The following CAPN7 variants were observed in gnomAD, a reference collection of about 807,000 sequenced individuals.
CAPN7 encodes calpain-7.
A neutral mutation model predicts 115.2 loss-of-function variants in CAPN7; 72 were observed. That is an observed-to-expected ratio of 0.63 (90% confidence interval 0.52 to 0.76). The LOEUF (loss-of-function observed/expected upper bound fraction) is 0.76. CAPN7 is among the 30% of genes least tolerant of loss of function. The pLI is 0.00. For synonymous variants in CAPN7, 344 were observed against 322.3 expected, an observed-to-expected ratio of 1.07 and a Z score of -0.72; for missense variants, 905 against 971.5, an observed-to-expected ratio of 0.93 and a Z score of 0.91.
At chr3:15,240,410 A>G in intron 12 of CAPN7, 63 bp from the exon 13 acceptor site, 6 of 1,424,434 alleles carry the variant, frequency 4.2e-6, no homozygotes, top group Non-Finnish European at 5.8e-6. Flanking sequence ...CTCTAATAAG[A>G]GAACTAATAT....
intron 1 of CAPN7, among the ~76,000 whole-genome samples, chr3:15,209,522 A>G (rs1358657851): frequency 6.6e-6 from 1 of 152,212 alleles, no homozygotes; most frequent in Admixed American, 6.5e-5. Context: ...AGCTATTTTG[A>G]AATGTACAAT....
At chr3:15,216,913 AT>A (rs977186476) in intron 2 of CAPN7, among the ~76,000 whole-genome samples, 1 of 151,830 alleles carries the variant, frequency 6.6e-6, no homozygotes, top group Non-Finnish European at 1.5e-5. Context: ...ATAATTGCAG[AT>A]TTTTTTTCTT....
Position 15,247,438 on chromosome 3 carries a change from A to G in CAPN7, c.2185A>G (p.Ile729Val). 6.2e-7 allele frequency: 1 copy of G among 1,601,940 alleles called. No homozygotes were observed. Among genetic ancestry groups the G allele is most frequent in the Non-Finnish European group, 8.5e-7 (1 of 1,176,460 alleles). Reference sequence around the variant, plus strand: ...TATAGAAAAGACTGGGCCGTTACTGATTGAGCTACGAGGACCAAGGTTTGT... The same window carrying G: ...TATAGAAAAGACTGGGCCGTTACTGGTTGAGCTACGAGGACCAAGGTTTGT... ...FHIEKTGPLL[I>V]ELRGPRQYSV... Residue 729 changes from isoleucine (I) to valine (V), a missense_variant, in exon 19 of 21, where the codon ATT (isoleucine) becomes GTT (valine). By Grantham distance (29) the Ile-to-Val change is conservative. This residue lies in a region of CAPN7 where 620 missense variants were observed against 703.4 expected (regional missense o/e 0.88). Transcript: ENST00000253693.
At chr3:15,246,842 T>A (rs756068008) in intron 18 of CAPN7, 48 bp downstream of exon 18, 2 of 1,312,100 alleles carry the variant, frequency 1.5e-6, no homozygotes, top group Non-Finnish European at 2.2e-6. Context: ...TTAGAATTTT[T>A]AAATTCCCTT....
rs757490215 is a variant in CAPN7 at position 15,235,104 on chromosome 3, C to G, written c.1366C>G (p.Pro456Ala). 6.2e-7 allele frequency: 1 copy of G among 1,613,478 alleles called. No homozygotes were observed. The highest frequency in any genetic ancestry group is 1.1e-5 in the South Asian group (1 of 91,044). Residue 456 changes from proline to alanine, a missense_variant, in exon 12 of 21, where the codon CCC becomes GCC. By Grantham distance (27) the Pro-to-Ala change is conservative (BLOSUM62 -1). Coordinates refer to ENST00000253693, the MANE Select transcript of CAPN7 (RefSeq NM_014296.3). The stretch of plus-strand genomic sequence containing the variant: ...TGAAGGAGAGAAGTGGGGTCTGGTT[C>G]CCACACACGCATATGCTGTTTTGGA... ...EAEGEKWGLV[P>A]THAYAVLDIR... is the part of the protein sequence containing the mutation.
rs1318067417 is a variant in CAPN7, at chr3:15,247,418, A to G, written c.2165A>G (p.Glu722Gly). The G allele has an allele frequency of 1.2e-6, 2 of 1,610,074 alleles. No homozygotes were observed. Among genetic ancestry groups the G allele is most frequent in the Middle Eastern group, 1.6e-4 (1 of 6,068 alleles). The change falls in exon 19 of 21, where the codon GAA becomes GGA. Residue 722 changes from glutamate to glycine, a missense_variant. Around this residue, in one of 3 missense-constraint regions of CAPN7, gnomAD observed 620 missense variants for 703.4 expected, o/e 0.88. Coordinates refer to ENST00000253693, the MANE Select transcript of CAPN7 (RefSeq NM_014296.3). The stretch of plus-strand genomic sequence containing the variant: ...AACCCCATCTACCAATTCCATATAG[A>G]AAAGACTGGGCCGTTACTGATTGAG... ...KNNPIYQFHI[E>G]KTGPLLIELR...
intron 12 of CAPN7, among the ~76,000 whole-genome samples, chr3:15,237,391 G>T (rs1695055274): frequency 6.6e-6 from 1 of 152,162 alleles, no homozygotes; most frequent in Non-Finnish European, 1.5e-5. Context: ...TATGATATAT[G>T]TAGTTCATCG....
At chr3:15,237,724 C>T (rs958730863) in intron 12 of CAPN7, among the ~76,000 whole-genome samples, 1 of 152,124 alleles carries the variant, frequency 6.6e-6, no homozygotes. Flanking sequence ...AATCCTAGCA[C>T]TTTGGGAGGC....
chr3:15,228,095 A>G lies in CAPN7; in HGVS notation c.852+130A>G, dbSNP rs1258876295. On this transcript the variant is annotated intron_variant, in intron 7 of 20. Coordinates refer to ENST00000253693, the MANE Select transcript of CAPN7 (RefSeq NM_014296.3). ...AGAAGTGTAATTGGAAAAATTGTTC[A>G]TTCTACACATTTTGACTGAAACATA... The G allele has an allele frequency of 5.4e-6, 3 of 550,856 alleles. No individual in the cohort carries two copies. In the East Asian group the frequency reaches 1.1e-4, roughly 20 times the overall value. 34.1% of individuals were successfully genotyped at this position (550,856 alleles called of 1,614,324 possible).
At chr3:15,208,608 T>C (rs960963561) in intron 1 of CAPN7, among the ~76,000 whole-genome samples, 7 of 152,170 alleles carry the variant, frequency 4.6e-5, no homozygotes, top group Non-Finnish European at 8.8e-5. Context: ...TGTACTATAA[T>C]TAATTTACAG....
chr3:15,245,352 G>T (rs1468123314), intron 16 of CAPN7, among the ~76,000 whole-genome samples, 174 bp from the exon 17 acceptor site: 1 of 151,854 alleles, frequency 6.6e-6, no homozygotes, highest in Non-Finnish European at 1.5e-5. Flanking sequence ...TGTTTATTAG[G>T]AACTGTTTAA....
At position 15,227,908 on chromosome 3, in the gene CAPN7, A is replaced by G. The variant is rs1401957537; in HGVS notation, c.795A>G (p.Glu265=). 2.6e-6 allele frequency: 4 copies of G among 1,551,662 alleles called. No individual in the cohort carries two copies. Among genetic ancestry groups the G allele is most frequent in the Non-Finnish European group, 3.5e-6 (4 of 1,147,416 alleles). ...CATTTTCCAAGTGGGTACGACCAGA[A>G]GACCTCACCAACAATCCTACAATGA... ...KTTFSKWVRP[E]DLTNNPTMIY... Residue 265 remains glutamate (E), a synonymous_variant, in exon 7 of 21, where the codon GAA becomes GAG. Coordinates refer to ENST00000253693, the MANE Select transcript of CAPN7 (RefSeq NM_014296.3).
At chr3:15,245,713 A>C in intron 17 of CAPN7, 42 bp downstream of exon 17, 1 of 1,575,314 alleles carries the variant, frequency 6.3e-7, no homozygotes, top group Non-Finnish European at 8.7e-7. Flanking sequence ...CAGTAATATA[A>C]AGTATGTAAT....
chr3:15,246,689 T>C lies in CAPN7; in HGVS notation c.2011-43T>C, dbSNP rs372690634. On this transcript the variant is annotated intron_variant, in intron 17 of 20. Transcript: ENST00000253693. Reference sequence around the variant, plus strand: ...TATTCATGTATCACTTTGATGTTCTTGTAAGTGTAAAATTTATCAATACAG... The same window carrying C: ...TATTCATGTATCACTTTGATGTTCTCGTAAGTGTAAAATTTATCAATACAG... The C allele has an allele frequency of 6.7e-6, 9 of 1,345,978 alleles. No homozygotes were observed. The African/African-American group carries it at 1.3e-4, about 19-fold the overall frequency. 83.4% of individuals were successfully genotyped at this position (1,345,978 alleles called of 1,614,324 possible).
In CAPN7 at chr3:15,223,676, A is replaced by G. The variant is rs932385953; in HGVS notation, c.725+115A>G. 1.0e-5 allele frequency: 7 copies of G among 670,170 alleles called. No individual in the cohort carries two copies. In the Admixed American group the frequency reaches 2.0e-4, roughly 19 times the overall value. The allele number at this position is 670,170 out of a possible 1,614,324, so 41.5% of individuals were successfully genotyped here. On this transcript the variant is annotated intron_variant, in intron 6 of 20. Transcript: ENST00000253693. ...GTAATAAAAAAATTTGTTGGAATAG[A>G]GGGGTGGCTGTGGGAAAGGGATAGG...
At chr3:15,240,346 T>C in intron 12 of CAPN7, 127 bp from the exon 13 acceptor site, 1 of 876,720 alleles carries the variant, frequency 1.1e-6, no homozygotes, top group Non-Finnish European at 1.8e-6. Flanking sequence ...GTGTTAAAAA[T>C]ATTAATTTCA....
intron 19 of CAPN7, among the ~76,000 whole-genome samples, chr3:15,250,292 C>T (rs1425872392): frequency 6.6e-6 from 1 of 151,870 alleles, no homozygotes; most frequent in East Asian, 2.0e-4. Context: ...TGGGAGAATC[C>T]CGAGTCCAGG....
intron 1 of CAPN7, chr3:15,210,716 C>G: frequency 8.8e-7 from 1 of 1,139,854 alleles, no homozygotes. Flanking sequence ...CCGCCTCAGC[C>G]TCCTGAGTAG....
At chr3:15,247,136 T>C (rs955874476) in intron 18 of CAPN7, 191 bp from the exon 19 acceptor site, 11 of 577,912 alleles carry the variant, frequency 1.9e-5, no homozygotes, top group Admixed American at 1.4e-4. Flanking sequence ...GATTAGAGGC[T>C]AAGAGATGGA....
Sources: gnomAD v4.1 joint callset for allele counts (sites outside exome capture counted in the v4.1 genomes callset) on GRCh38, gnomAD v4.1.1 for gene constraint, gnomAD v4.1.1 regional missense constraint, MANE v1.5 for transcripts, NCBI Gene and HGNC (gene_info 2026-07-23, HGNC 2026-07-21) for gene names.